Variants in SEMA6A observed in about 807,000 individuals in gnomAD.
SEMA6A encodes semaphorin 6A.
In SEMA6A, 25 loss-of-function variants were observed where a neutral mutation model predicts 96.8. That is an observed-to-expected ratio of 0.26 (90% CI 0.19 to 0.36). The LOEUF (loss-of-function observed/expected upper bound fraction) is 0.36. Ranked by LOEUF, SEMA6A falls within the 10% of genes least tolerant of loss-of-function variation. The pLI is 1.00. For missense variants in SEMA6A, 1,363 were observed against 1,323.1 expected, an observed-to-expected ratio of 1.03 and a Z score of -0.47; for synonymous variants, 612 against 518.0, an observed-to-expected ratio of 1.18 and a Z score of -2.46.
At chr5:116,497,176 A>G (rs1379241897) in intron 4 of SEMA6A, 151 bp downstream of exon 4, 2 of 560,734 alleles carry the variant, frequency 3.6e-6, no homozygotes, top group East Asian at 3.0e-5. Flanking sequence ...TCAAATCCTA[A>G]CCTATTCCCT....
chr5:116,499,132 A>C (rs1410990948), intron 3 of SEMA6A: 1 of 152,166 alleles, frequency 6.6e-6, no homozygotes, highest in Non-Finnish European at 1.5e-5. Flanking sequence ...AGCCTTTTAA[A>C]CACAGAATTC....
At chr5:116,549,687 A>G (rs1390838664) in intron 1 of SEMA6A, among the ~76,000 whole-genome samples, 2 of 152,224 alleles carry the variant, frequency 1.3e-5, no homozygotes, top group Admixed American at 6.5e-5. Context: ...AGAATGTGCC[A>G]TATCAGTACT....
intron 18 of SEMA6A, among the ~76,000 whole-genome samples, chr5:116,454,730 A>G (rs909733284): frequency 6.6e-6 from 1 of 152,154 alleles, no homozygotes; most frequent in African/African-American, 2.4e-5. Context: ...ATAAACTGAC[A>G]TGCCAGCAGC....
At chr5:116,493,812 T>C (rs542939137) in intron 6 of SEMA6A, among the ~76,000 whole-genome samples, 1 of 152,308 alleles carries the variant, frequency 6.6e-6, no homozygotes, top group South Asian at 2.1e-4. Flanking sequence ...TCTATATTTC[T>C]CTCCACATCT....
At chr5:116,516,749 T>G (rs560458560) in intron 1 of SEMA6A, among the ~76,000 whole-genome samples, 26 of 152,314 alleles carry the variant, frequency 1.7e-4, no homozygotes, top group African/African-American at 5.8e-4. Flanking sequence ...GAATTAATAA[T>G]TATCCCCAAA....
intron 1 of SEMA6A, among the ~76,000 whole-genome samples, chr5:116,551,987 G>C (rs934990264): frequency 6.6e-6 from 1 of 152,192 alleles, no homozygotes; most frequent in Non-Finnish European, 1.5e-5. Flanking sequence ...ACAGGATCTT[G>C]TCTGTAGATT....
chr5:116,505,713 ATATTTT>A (rs1273753818), intron 1 of SEMA6A, among the ~76,000 whole-genome samples: 1 of 152,206 alleles, frequency 6.6e-6, no homozygotes, highest in Non-Finnish European at 1.5e-5. Context: ...ATATCTCTAT[ATATTTT>A]GGTCTCAATA....
chr5:116,484,353 CT>C (rs1050945953), intron 10 of SEMA6A, among the ~76,000 whole-genome samples: 18 of 152,232 alleles, frequency 1.2e-4, no homozygotes, highest in African/African-American at 4.3e-4. Flanking sequence ...CATTTCTCTC[CT>C]TCGTTCCTTT....
chr5:116,564,098 A>G lies in SEMA6A; in HGVS notation c.-39+10087T>C, dbSNP rs180992108. On this transcript the variant is annotated intron_variant, in intron 1 of 18. Coordinates refer to ENST00000343348, the MANE Select transcript of SEMA6A (RefSeq NM_020796.5). ...AATTTACTTCACATTATTGGCCTCT[A>G]AAATCAATCCTTTAATGTGGTTGGG... Among the ~76,000 whole-genome samples, 13 of 152,354 alleles carry G rather than the reference A, an allele frequency of 8.5e-5. 1 individual carries two copies. In the East Asian group the frequency reaches 2.1e-3, roughly 25 times the overall value.
chr5:116,532,845 T>C (rs939111798), intron 1 of SEMA6A, among the ~76,000 whole-genome samples: 3 of 152,224 alleles, frequency 2.0e-5, no homozygotes, highest in Admixed American at 1.3e-4. Context: ...TGGATGTGGT[T>C]GCTCTGAAAG....
At chr5:116,504,812 A>T in intron 2 of SEMA6A, 33 bp downstream of exon 2, 1 of 1,486,172 alleles carries the variant, frequency 6.7e-7, no homozygotes, top group Non-Finnish European at 9.3e-7. Context: ...ATGTTCTCAA[A>T]GGGAGACACT....
At chr5:116,452,486 T>C (rs958200405) in intron 18 of SEMA6A, among the ~76,000 whole-genome samples, 1 of 151,734 alleles carries the variant, frequency 6.6e-6, no homozygotes, top group African/African-American at 2.4e-5. Flanking sequence ...GAGAGGAAAT[T>C]TGAAGTTCTT....
rs1754070354 is a variant in SEMA6A, at chr5:116,444,554, T to A, written c.*2059A>T. On this transcript the variant is annotated 3_prime_UTR_variant, in exon 19 of 19. Transcript: ENST00000343348. ...TGGTTTACAGTATGTGGACAGTTCC[T>A]TTGTTCATGATAGAGTAAACAAAAG... 1 of 152,674 alleles carries A rather than the reference T, an allele frequency of 6.5e-6. No individual in the cohort carries two copies. The highest frequency in any genetic ancestry group is 1.5e-5 in the Non-Finnish European group (1 of 68,044). 9.5% of individuals were successfully genotyped at this position (152,674 alleles called of 1,614,324 possible). A position where few individuals can be genotyped will look rare whatever the true frequency, so the allele number is the denominator to read the frequency against.
Position 116,516,265 on chromosome 5 carries a change from T to C in SEMA6A, c.-38-11283A>G, listed in dbSNP as rs73781641. On this transcript the variant is annotated intron_variant, in intron 1 of 18. Coordinates refer to ENST00000343348, the MANE Select transcript of SEMA6A (RefSeq NM_020796.5). ...TGACTGGTGCTTATCATCAGTAAAG[T>C]ATCTATATACACAGTACATTTTCTG... is the stretch of plus-strand genomic sequence containing the variant. 8.3e-3 allele frequency among the ~76,000 whole-genome samples: 1,092 copies of C among 131,504 alleles called. 12 individuals are homozygous for C. The highest frequency in any genetic ancestry group is 0.028 in the African/African-American group (1,019 of 35,960). 86.3% of individuals were successfully genotyped at this position (131,504 alleles called of 152,430 possible).
intron 18 of SEMA6A, among the ~76,000 whole-genome samples, chr5:116,454,060 G>A (rs1754827497): frequency 6.6e-6 from 1 of 152,078 alleles, no homozygotes; most frequent in Non-Finnish European, 1.5e-5. Context: ...TCACTGGACG[G>A]CCCGTTTCTG....
At chr5:116,542,471 T>C (rs2112866058) in intron 1 of SEMA6A, among the ~76,000 whole-genome samples, 1 of 152,356 alleles carries the variant, frequency 6.6e-6, no homozygotes, top group East Asian at 1.9e-4. Context: ...TCCCTTTGTC[T>C]TTCATTAATG....
chr5:116,560,984 A>AT lies in SEMA6A; in HGVS notation c.-39+13200dup, dbSNP rs961369833. 3.3e-5 allele frequency among the ~76,000 whole-genome samples: 5 copies of AT among 152,230 alleles called. 1 individual carries two copies. Among genetic ancestry groups the AT allele is most frequent in the Admixed American group, 2.0e-4 (3 of 15,284 alleles). On this transcript the variant is annotated intron_variant, in intron 1 of 18. Transcript: ENST00000343348. ...AGAACTATGATTGGACAATTTTAATATTTTTTTAATTTTAAATATTGAGTA... is the reference window on the plus strand; with the variant it reads ...AGAACTATGATTGGACAATTTTAATATTTTTTTTAATTTTAAATATTGAGTA...
chr5:116,492,122 C>T (rs762404598), intron 6 of SEMA6A, among the ~76,000 whole-genome samples: 1 of 152,092 alleles, frequency 6.6e-6, no homozygotes, highest in Non-Finnish European at 1.5e-5. Context: ...CAACCAAGAG[C>T]TTTTTGTTGA....
At chr5:116,467,534 C>T in intron 18 of SEMA6A, 49 bp downstream of exon 18, 2 of 1,555,920 alleles carry the variant, frequency 1.3e-6, no homozygotes, top group Non-Finnish European at 1.7e-6. Context: ...GTCCTCCCCA[C>T]TTTTCCCTCC....
Sources: allele counts gnomAD v4.1 joint callset (sites outside exome capture counted in the v4.1 genomes callset), GRCh38; gene constraint gnomAD v4.1.1; transcripts MANE v1.5; gene names NCBI Gene and HGNC (gene_info 2026-07-23, HGNC 2026-07-21).